Variants in RIBC1 observed in about 807,000 individuals in gnomAD.
The protein encoded by RIBC1 is RIB43A domain with coiled-coils 1.
Under a neutral mutation model 33.7 loss-of-function variants are expected in RIBC1, and 12 were observed. That is an observed-to-expected ratio of 0.36 (90% confidence interval 0.23 to 0.58). The LOEUF (loss-of-function observed/expected upper bound fraction) is 0.58. Ranked by LOEUF, RIBC1 falls within the 20% of genes least tolerant of loss-of-function variation. The pLI is 0.81. For synonymous variants in RIBC1, 89 were observed against 109.0 expected, an observed-to-expected ratio of 0.82 and a Z score of 1.14; for missense variants, 242 against 311.6, an observed-to-expected ratio of 0.78 and a Z score of 1.68.
At chrX:53,427,407 A>G (rs781938560) in intron 3 of RIBC1, among the ~76,000 whole-genome samples, 4 of 112,021 alleles carry the variant, frequency 3.6e-5, no homozygotes, top group Non-Finnish European at 7.5e-5. Flanking sequence ...TGGCTAGGGT[A>G]TTAGTGTTCT....
chrX:53,430,562 T>C lies in RIBC1; in HGVS notation c.830T>C (p.Met277Thr), dbSNP rs782753658. The C allele has an allele frequency of 2.5e-6, 3 of 1,205,686 alleles. No homozygotes were observed. The highest frequency in any genetic ancestry group is 1.8e-5 in the African/African-American group (1 of 57,135). ...GTCCTGCCCTATTGCTGGAAGGGCA[T>C]GACTCCAGAGCAGCAAGCTGCCATC... is the stretch of plus-strand genomic sequence containing the variant. ...YRVLPYCWKGMTPEQQAAIRK... is the reference protein window; with the variant it reads ...YRVLPYCWKGTTPEQQAAIRK... The change falls in exon 7 of 8, where the codon ATG becomes ACG. Residue 277 changes from methionine (M) to threonine (T), a missense_variant. By Grantham distance (81) the Met-to-Thr change is moderately conservative. Coordinates refer to ENST00000375327, the MANE Select transcript of RIBC1 (RefSeq NM_001031745.5).
At chrX:53,425,950 G>A (rs1243149198) in intron 2 of RIBC1, among the ~76,000 whole-genome samples, 1 of 112,085 alleles carries the variant, frequency 8.9e-6, no homozygotes, top group African/African-American at 3.2e-5. Context: ...TGCTTTCAAA[G>A]GCTTTACGCT....
chrX:53,424,703 A>C (rs1414194521), intron 2 of RIBC1, among the ~76,000 whole-genome samples: 2 of 109,818 alleles, frequency 1.8e-5, no homozygotes, highest in African/African-American at 6.6e-5. Context: ...ATGAGATGGC[A>C]CTTGGGGGGA....
chrX:53,423,635 G>A (rs1258848912), intron 2 of RIBC1, among the ~76,000 whole-genome samples: 6 of 112,371 alleles, frequency 5.3e-5, no homozygotes, highest in African/African-American at 1.9e-4. Context: ...TACTGTAATG[G>A]CAGGTGAAAC....
At chrX:53,430,101 C>T in intron 6 of RIBC1, 129 bp downstream of exon 6, 2 of 552,571 alleles carry the variant, frequency 3.6e-6, no homozygotes, top group Non-Finnish European at 5.9e-6. Flanking sequence ...CTGAGTACTC[C>T]CCCTTCACTG....
At chrX:53,428,174 GC>G in intron 4 of RIBC1, 90 bp downstream of exon 4, 1 of 1,199,332 alleles carries the variant, frequency 8.3e-7, no homozygotes, top group Admixed American at 2.2e-5. Flanking sequence ...GTGGCCTGAG[GC>G]CCTGGGGTGG....
rs782664575 is a variant in RIBC1 at position 53,428,291 on chromosome X, C to A, written c.208C>A (p.Gln70Lys). The A allele has an allele frequency of 6.6e-6, 8 of 1,208,291 alleles. No individual in the cohort carries two copies. The highest frequency in any genetic ancestry group is 8.9e-6 in the Non-Finnish European group (8 of 893,975). Residue 70 changes from glutamine (Q) to lysine (K), a missense_variant, in exon 5 of 8, where the codon CAG (glutamine) becomes AAG (lysine). Gln to Lys is a moderately conservative substitution (Grantham distance 53, BLOSUM62 1). Coordinates refer to ENST00000375327, the MANE Select transcript of RIBC1 (RefSeq NM_001031745.5). ...RSKEAAYGTSQVQYDVVVQML... is the reference protein window; with the variant it reads ...RSKEAAYGTSKVQYDVVVQML... The stretch of plus-strand genomic sequence containing the variant: ...TTGCTCACCACCCCCAGGTACCAGC[C>A]AGGTGCAGTATGATGTGGTAGTCCA...
chrX:53,428,222 T>C, intron 4 of RIBC1, 61 bp from the exon 5 acceptor site: 3 of 1,199,941 alleles, frequency 2.5e-6, no homozygotes, highest in Non-Finnish European at 2.3e-6. Flanking sequence ...GTAGAGGACA[T>C]GCTAAGTGGA....
rs1392335317 is a variant in RIBC1, at chrX:53,423,924, A to T, written c.-1+522A>T. Among the ~76,000 whole-genome samples, 7 of 111,009 alleles carry T rather than the reference A, an allele frequency of 6.3e-5. No homozygotes were observed. The Middle Eastern group carries it at 0.019, about 294-fold the overall frequency. On this transcript the variant is annotated intron_variant, in intron 2 of 7. Coordinates refer to ENST00000375327, the MANE Select transcript of RIBC1 (RefSeq NM_001031745.5). ...TGAGACCCTATCTCTACTAAAAATT[A>T]AAAAATTAGCTGGGTGTGGCAGCTC...
chrX:53,430,096 T>A, intron 6 of RIBC1, 124 bp downstream of exon 6: 1 of 569,765 alleles, frequency 1.8e-6, no homozygotes, highest in Non-Finnish European at 2.8e-6. Flanking sequence ...CTCATCTGAG[T>A]ACTCCCCCTT....
chrX:53,430,808 G>A lies in RIBC1; in HGVS notation c.1058+18G>A, dbSNP rs1556894315. ...AAAGCCCAGTGAGTTCTAGGTGGTA[G>A]TGGTGGAGATAAATGCCAAGGGAGG... On this transcript the variant is annotated intron_variant, in intron 7 of 7. Transcript: ENST00000375327. 2.5e-6 allele frequency: 3 copies of A among 1,206,996 alleles called. No homozygotes were observed. The highest frequency in any genetic ancestry group is 5.9e-5 in the East Asian group (2 of 33,769).
At chrX:53,429,315 T>C (rs1199043458) in intron 5 of RIBC1, 1 of 115,395 alleles carries the variant, frequency 8.7e-6, no homozygotes, top group Admixed American at 8.9e-5. Flanking sequence ...GTACCTTTGC[T>C]CATGCCATGC....
chrX:53,429,919 G>A lies in RIBC1; in HGVS notation c.610G>A (p.Glu204Lys). The change falls in exon 6 of 8, where the codon GAG (glutamate) becomes AAG (lysine). Residue 204 changes from glutamate to lysine, a missense_variant. Coordinates refer to ENST00000375327, the MANE Select transcript of RIBC1 (RefSeq NM_001031745.5). ...GGCCACCCATCTGGCCAGGCTGGAG[G>A]AGTCCTGTCGTGCGGCCATGATGTG... ...AQATHLARLEESCRAAMMCAM... is the reference protein window; with the variant it reads ...AQATHLARLEKSCRAAMMCAM... The A allele has an allele frequency of 8.3e-7, 1 of 1,211,465 alleles. No individual in the cohort carries two copies. Among genetic ancestry groups the A allele is most frequent in the East Asian group, 3.0e-5 (1 of 33,826 alleles).
chrX:53,424,734 C>A (rs1178936946), intron 2 of RIBC1, among the ~76,000 whole-genome samples: 1 of 109,966 alleles, frequency 9.1e-6, no homozygotes, highest in Non-Finnish European at 1.9e-5. Context: ...GGATCCTTAT[C>A]TCACACCATA....
intron 5 of RIBC1, chrX:53,429,144 A>C: frequency 8.3e-6 from 1 of 120,862 alleles, no homozygotes; most frequent in Admixed American, 8.2e-5. Flanking sequence ...GCTAATTGTG[A>C]AAGTATTTGT....
Position 53,430,582 on chromosome X carries a change from G to A in RIBC1, c.850G>A (p.Ala284Thr). The change falls in exon 7 of 8, where the codon GCC becomes ACC. Residue 284 changes from alanine (A) to threonine (T), a missense_variant. Transcript: ENST00000375327. ...GGGCATGACTCCAGAGCAGCAAGCT[G>A]CCATCAGGAAAGAGCAGGAAGTACA... ...WKGMTPEQQA[A>T]IRKEQEVQRS... 8.3e-7 allele frequency: 1 copy of A among 1,206,521 alleles called. No homozygotes were observed. Among genetic ancestry groups the A allele is most frequent in the Non-Finnish European group, 1.1e-6 (1 of 892,578 alleles).
intron 5 of RIBC1, chrX:53,428,920 C>A: frequency 4.2e-6 from 3 of 715,864 alleles, no homozygotes; most frequent in Non-Finnish European, 5.5e-6. Context: ...ATTTTCCCTT[C>A]TGTGCTTCAG....
intron 5 of RIBC1, 113 bp from the exon 6 acceptor site, chrX:53,429,741 C>T: frequency 1.1e-5 from 12 of 1,103,662 alleles, no homozygotes; most frequent in Non-Finnish European, 1.4e-5. Flanking sequence ...CACTAACCCC[C>T]TCCTAAACAT....
intron 6 of RIBC1, 32 bp from the exon 7 acceptor site, chrX:53,430,364 A>T: frequency 8.6e-7 from 1 of 1,160,902 alleles, no homozygotes; most frequent in Admixed American, 2.3e-5. Context: ...GAGGTTGGGC[A>T]CCCAAATGTT....
Sources: gnomAD v4.1 joint callset for allele counts (sites outside exome capture counted in the v4.1 genomes callset) on GRCh38, gnomAD v4.1.1 for gene constraint, MANE v1.5 for transcripts, NCBI Gene and HGNC (gene_info 2026-07-23, HGNC 2026-07-21) for gene names.